Variants in SYNPR observed in about 807,000 individuals in gnomAD.
The protein encoded by SYNPR is synaptoporin.
In SYNPR, 23 loss-of-function variants were observed where a neutral mutation model predicts 32.9. The ratio of observed to expected loss-of-function variants is 0.70; its 90% CI spans 0.50 to 0.99. The LOEUF is 0.99. Among genes scored for constraint, SYNPR ranks in the 50% least tolerant of loss-of-function variants. The probability of loss-of-function intolerance (pLI) is 0.00; values close to 1 mark genes in which losing one functional copy is unlikely to be tolerated. For missense variants in SYNPR, 318 were observed against 349.3 expected, an observed-to-expected ratio of 0.91 and a Z score of 0.71; for synonymous variants, 146 against 135.9, an observed-to-expected ratio of 1.07 and a Z score of -0.52.
intron 2 of SYNPR, among the ~76,000 whole-genome samples, chr3:63,475,072 AC>A (rs1700874776): frequency 5.3e-5 from 8 of 152,112 alleles, no homozygotes; most frequent in Admixed American, 1.3e-4. Flanking sequence ...GATGTCACTA[AC>A]TGCAAAGATA....
At position 63,408,842 on chromosome 3, in the gene SYNPR, G is replaced by T. The variant is rs141266130; in HGVS notation, c.85-71990G>T. Among the ~76,000 whole-genome samples, 78 of 152,128 alleles carry T rather than the reference G, an allele frequency of 5.1e-4. No individual in the cohort carries two copies. The Middle Eastern group carries it at 0.027, about 53-fold the overall frequency. On this transcript the variant is annotated intron_variant, in intron 2 of 5. Transcript: ENST00000478300. ...ATATATCAAGAAATAATGCTCTACC[G>T]GCTATCTGGGAATCCATTAATCCAC... is the stretch of plus-strand genomic sequence containing the variant.
At chr3:63,417,394 G>A (rs1466461077) in intron 2 of SYNPR, among the ~76,000 whole-genome samples, 4 of 152,212 alleles carry the variant, frequency 2.6e-5, no homozygotes, top group African/African-American at 7.2e-5. Context: ...GCTTTCATGG[G>A]CTGGTGATGA....
chr3:63,545,041 A>C (rs1019629119), intron 3 of SYNPR, among the ~76,000 whole-genome samples: 1 of 148,480 alleles, frequency 6.7e-6, no homozygotes, highest in Non-Finnish European at 1.5e-5. Flanking sequence ...AAAAAAAAAC[A>C]TGTGAAAGGG....
intron 4 of SYNPR, among the ~76,000 whole-genome samples, chr3:63,587,252 G>A (rs6774598): frequency 0.16 from 24,589 of 152,068 alleles, 2,506 homozygotes; most frequent in African/African-American, 0.29. Context: ...TAATGCAACA[G>A]CTAAAATATT....
intron 3 of SYNPR, among the ~76,000 whole-genome samples, chr3:63,547,308 G>A (rs942377294): frequency 4.6e-5 from 7 of 152,028 alleles, no homozygotes; most frequent in Admixed American, 4.6e-4. Context: ...AGCAACCTGA[G>A]TCCAATTGCT....
At chr3:63,294,374 C>A (rs1469823895) in intron 2 of SYNPR, among the ~76,000 whole-genome samples, 1 of 152,100 alleles carries the variant, frequency 6.6e-6, no homozygotes. Context: ...GAAATGAAAT[C>A]TTGATTGACT....
intron 3 of SYNPR, among the ~76,000 whole-genome samples, chr3:63,516,562 C>A (rs978493770): frequency 1.5e-4 from 23 of 152,076 alleles, no homozygotes; most frequent in African/African-American, 5.6e-4. Context: ...CTCTCAACAA[C>A]CTTGTAAGAC....
chr3:63,532,997 G>T (rs1409072948), intron 3 of SYNPR, among the ~76,000 whole-genome samples: 1 of 152,108 alleles, frequency 6.6e-6, no homozygotes, highest in East Asian at 1.9e-4. Flanking sequence ...TTCCAGCATT[G>T]AATTAATCTC....
At chr3:63,506,541 G>A (rs900290465) in intron 3 of SYNPR, among the ~76,000 whole-genome samples, 3 of 152,044 alleles carry the variant, frequency 2.0e-5, no homozygotes, top group Admixed American at 6.6e-5. Flanking sequence ...CCATTTACTG[G>A]CCCCCTTTAT....
At chr3:63,317,846 A>C (rs1164810707) in intron 2 of SYNPR, among the ~76,000 whole-genome samples, 1 of 151,856 alleles carries the variant, frequency 6.6e-6, no homozygotes, top group Non-Finnish European at 1.5e-5. Context: ...TTGTTTTACA[A>C]GTCCTGTGTG....
chr3:63,246,406 A>G (rs1411351233), intron 1 of SYNPR, among the ~76,000 whole-genome samples: 2 of 152,082 alleles, frequency 1.3e-5, no homozygotes, highest in African/African-American at 4.8e-5. Context: ...GTGAGCACCT[A>G]CTGTGTAGCA....
intron 3 of SYNPR, among the ~76,000 whole-genome samples, chr3:63,506,556 T>C (rs1701592710): frequency 6.6e-6 from 1 of 152,180 alleles, no homozygotes; most frequent in Non-Finnish European, 1.5e-5. Flanking sequence ...CTTTATGATG[T>C]ACGTTGAAAT....
At chr3:63,431,827 T>G (rs1482215770) in intron 2 of SYNPR, among the ~76,000 whole-genome samples, 1 of 126,398 alleles carries the variant, frequency 7.9e-6, no homozygotes, top group Admixed American at 8.8e-5. Flanking sequence ...AGTCATAGTT[T>G]CCCTTTTCTT....
At chr3:63,204,038 T>C in the SYNPR span, among the ~76,000 whole-genome samples, 1 of 152,054 alleles carries the variant, frequency 6.6e-6, no homozygotes, top group Non-Finnish European at 1.5e-5. Context: ...GGCTGGCTAT[T>C]GCTCTTAAGA....
intron 1 of SYNPR, among the ~76,000 whole-genome samples, chr3:63,233,526 C>T (rs1274958579): frequency 6.6e-6 from 1 of 152,198 alleles, no homozygotes; most frequent in Non-Finnish European, 1.5e-5. Flanking sequence ...TACTAAATTC[C>T]ATGTGGAACT....
At position 63,256,377 on chromosome 3, in the gene SYNPR, G is replaced by T. The variant is rs189038532; in HGVS notation, n.154+3791G>T. ...GTACTCCTCTGAGACAAAACTTCCA[G>T]AGGAAGGATCAGGCAGCAACATTTG... On this transcript the variant is annotated intron_variant and non_coding_transcript_variant, in intron 2 of 4. Coordinates refer to the SYNPR transcript ENST00000478456. Among the ~76,000 whole-genome samples, 466 of 152,298 alleles carry T rather than the reference G, an allele frequency of 3.1e-3. 4 individuals are homozygous for T. Among genetic ancestry groups the T allele is most frequent in the Non-Finnish European group, 4.2e-3 (283 of 68,034 alleles).
chr3:63,527,440 A>C (rs1702034000), intron 3 of SYNPR, among the ~76,000 whole-genome samples: 1 of 152,136 alleles, frequency 6.6e-6, no homozygotes, highest in African/African-American at 2.4e-5. Flanking sequence ...TGCAAGCAGC[A>C]ATCAGTAGCT....
At chr3:63,488,815 T>A (rs190585035) in intron 3 of SYNPR, among the ~76,000 whole-genome samples, 1 of 152,222 alleles carries the variant, frequency 6.6e-6, no homozygotes, top group East Asian at 1.9e-4. Flanking sequence ...TTGTAGGGAA[T>A]GTCTTGGGGA....
intron 2 of SYNPR, among the ~76,000 whole-genome samples, chr3:63,335,766 C>CT (rs3082128): frequency 0.014 from 1,254 of 91,284 alleles, 71 homozygotes; most frequent in African/African-American, 0.044. Flanking sequence ...TATTAGCTTC[C>CT]TTTTTTTTTT....
Sources: allele counts gnomAD v4.1 joint callset (sites outside exome capture counted in the v4.1 genomes callset), GRCh38; gene constraint gnomAD v4.1.1; transcripts MANE v1.5; gene names NCBI Gene and HGNC (gene_info 2026-07-23, HGNC 2026-07-21).